The following SAMD12 variants were observed in gnomAD, a reference collection of about 807,000 sequenced individuals.
The protein encoded by SAMD12 is sterile alpha motif domain-containing protein 12.
A neutral mutation model predicts 15.0 loss-of-function variants in SAMD12; 9 were observed. That is an observed-to-expected ratio of 0.60 (90% CI 0.36 to 1.05). The LOEUF (loss-of-function observed/expected upper bound fraction) is 1.05. Among genes scored for constraint, SAMD12 ranks in the 50% least tolerant of loss-of-function variants. The pLI is 0.01. For synonymous variants in SAMD12, 86 were observed against 90.1 expected (o/e 0.96, Z 0.25); for missense variants, 230 against 234.2 (o/e 0.98, Z 0.12).
the SAMD12 span, among the ~76,000 whole-genome samples, chr8:118,177,391 C>T: frequency 1.3e-5 from 2 of 151,976 alleles, no homozygotes; most frequent in Non-Finnish European, 2.9e-5. Context: ...TGGGCATGCA[C>T]CATGTCCAGC....
At chr8:118,372,422 A>ATTT (rs148584581) in intron 4 of SAMD12, among the ~76,000 whole-genome samples, 5 of 138,902 alleles carry the variant, frequency 3.6e-5, no homozygotes, top group African/African-American at 1.0e-4. Flanking sequence ...AAGATGCAGT[A>ATTT]TTTTTTTTTT....
chr8:118,478,530 T>C (rs1332743301), intron 2 of SAMD12, among the ~76,000 whole-genome samples: 2 of 152,246 alleles, frequency 1.3e-5, no homozygotes, highest in Non-Finnish European at 2.9e-5. Flanking sequence ...GCACATTAGA[T>C]ATAGTAAATA....
At chr8:118,189,946 GAAAAAAAAAAAA>G (rs895075538) in exon 5 of SAMD12, 6 of 69,066 alleles carry the variant, frequency 8.7e-5, no homozygotes, top group East Asian at 4.2e-4. Flanking sequence ...ATGCACAGAG[GAAAAAAAAAAAA>G]AAAAAAAAAA....
chr8:118,311,832 A>G (rs932492706), intron 4 of SAMD12, among the ~76,000 whole-genome samples: 1 of 152,108 alleles, frequency 6.6e-6, no homozygotes, highest in Non-Finnish European at 1.5e-5. Context: ...TTTTTTGATC[A>G]CGAAGGCTTT....
At chr8:118,358,290 C>T (rs556374604) in intron 4 of SAMD12, among the ~76,000 whole-genome samples, 1 of 152,164 alleles carries the variant, frequency 6.6e-6, no homozygotes, top group Admixed American at 6.5e-5. Flanking sequence ...ACTATTACTC[C>T]CCAGTCTAAC....
At chr8:118,143,502 G>T in the SAMD12 span, among the ~76,000 whole-genome samples, 1 of 152,126 alleles carries the variant, frequency 6.6e-6, no homozygotes, top group Non-Finnish European at 1.5e-5. Flanking sequence ...TGTACTTTGC[G>T]CCACATCACA....
chr8:118,368,522 G>GATGGTTCAGC (rs1200196135), intron 4 of SAMD12, among the ~76,000 whole-genome samples: 1 of 152,106 alleles, frequency 6.6e-6, no homozygotes, highest in Non-Finnish European at 1.5e-5. Context: ...CCTTGCCATT[G>GATGGTTCAGC]TCTTTACTTG....
chr8:118,182,415 G>A, the SAMD12 span, among the ~76,000 whole-genome samples: 1 of 152,142 alleles, frequency 6.6e-6, no homozygotes, highest in Non-Finnish European at 1.5e-5. Context: ...CTGTAAGGTT[G>A]GCATGAAATT....
chr8:118,525,372 G>A (rs1804076641), intron 2 of SAMD12, among the ~76,000 whole-genome samples: 2 of 151,924 alleles, frequency 1.3e-5, no homozygotes, highest in Non-Finnish European at 2.9e-5. Flanking sequence ...ACTTTTCCAC[G>A]GCAATTATCA....
At chr8:118,521,182 T>C (rs1487896167) in intron 2 of SAMD12, among the ~76,000 whole-genome samples, 2 of 152,188 alleles carry the variant, frequency 1.3e-5, no homozygotes, top group African/African-American at 2.4e-5. Flanking sequence ...TTTGTTGCAT[T>C]GACCAATTCT....
chr8:118,367,013 TG>T (rs1418024447), intron 4 of SAMD12, among the ~76,000 whole-genome samples: 1 of 152,094 alleles, frequency 6.6e-6, no homozygotes, highest in African/African-American at 2.4e-5. Flanking sequence ...GGCTCAAGAC[TG>T]GACCAATGGC....
intron 2 of SAMD12, among the ~76,000 whole-genome samples, chr8:118,442,483 T>C (rs1231485565): frequency 6.6e-6 from 1 of 152,204 alleles, no homozygotes; most frequent in Non-Finnish European, 1.5e-5. Flanking sequence ...ATATTGACTT[T>C]GCCTAATTTT....
intron 1 of SAMD12, among the ~76,000 whole-genome samples, chr8:118,609,388 T>G (rs1477674138): frequency 6.6e-6 from 1 of 152,224 alleles, no homozygotes; most frequent in Non-Finnish European, 1.5e-5. Context: ...TGTAGTCAAA[T>G]GTACACTGAG....
At chr8:118,185,279 T>C (rs187873457), downstream of SAMD12, among the ~76,000 whole-genome samples, 1 of 152,308 alleles carries the variant, frequency 6.6e-6, no homozygotes, top group Non-Finnish European at 1.5e-5. Flanking sequence ...CAGGTGGTTT[T>C]CGATTACATG....
intron 4 of SAMD12, among the ~76,000 whole-genome samples, chr8:118,311,169 G>A (rs1366600046): frequency 6.6e-6 from 1 of 152,198 alleles, no homozygotes; most frequent in Non-Finnish European, 1.5e-5. Context: ...AGACTGCAGG[G>A]AAAATCTGCA....
At chr8:118,602,428 A>G (rs118002003) in intron 1 of SAMD12, among the ~76,000 whole-genome samples, 1,934 of 152,314 alleles carry the variant, frequency 0.013, 16 homozygotes, top group Middle Eastern at 0.027. Flanking sequence ...TAAAAAAACT[A>G]CAATTATAGA....
intron 1 of SAMD12, among the ~76,000 whole-genome samples, chr8:118,587,793 A>G (rs147683271): frequency 5.3e-5 from 8 of 152,340 alleles, no homozygotes; most frequent in African/African-American, 1.9e-4. Flanking sequence ...AGTCTGTGAG[A>G]AAAGTAATTC....
rs1819471751 is a variant in SAMD12 at position 118,377,999 on chromosome 8, G to C, written c.*1418C>G. 6.6e-6 allele frequency: 1 copy of C among 152,170 alleles called. No individual in the cohort carries two copies. Among genetic ancestry groups the C allele is most frequent in the African/African-American group, 2.4e-5 (1 of 41,430 alleles). The allele number at this position is 152,170 out of a possible 1,614,324, so 9.4% of individuals were successfully genotyped here. A position where few individuals can be genotyped will look rare whatever the true frequency, so the allele number is the denominator to read the frequency against. On this transcript the variant is annotated 3_prime_UTR_variant, in exon 4 of 4. Transcript: ENST00000314727. ...AGTCACCCACTTATCCCACAATCCA[G>C]AGAGATCCTTTATTAAAATGGTTGG...
At chr8:118,250,780 C>T (rs547340478) in intron 4 of SAMD12, among the ~76,000 whole-genome samples, 11 of 151,996 alleles carry the variant, frequency 7.2e-5, no homozygotes, top group Non-Finnish European at 1.3e-4. Flanking sequence ...GCTGGGATTA[C>T]AGGTGTAAGC....
Sources: allele counts gnomAD v4.1 joint callset (sites outside exome capture counted in the v4.1 genomes callset), GRCh38; gene constraint gnomAD v4.1.1; transcripts MANE v1.5; gene names NCBI Gene and HGNC (gene_info 2026-07-23, HGNC 2026-07-21).